The following TMEM132B variants were observed in gnomAD, a reference collection of about 807,000 sequenced individuals.
TMEM132B encodes the protein transmembrane protein 132B.
In TMEM132B, 18 loss-of-function variants were observed where a neutral mutation model predicts 90.8. The ratio of observed to expected loss-of-function variants is 0.20; its 90% CI spans 0.14 to 0.29. The LOEUF (loss-of-function observed/expected upper bound fraction) is 0.29. Ranked by LOEUF, TMEM132B falls within the 10% of genes least tolerant of loss-of-function variation. The pLI, the probability that TMEM132B is intolerant of heterozygous loss-of-function variation, is 1.00. For synonymous variants in TMEM132B, 504 were observed against 523.3 expected (o/e 0.96, Z 0.50); for missense variants, 1,096 against 1,326.8 (o/e 0.83, Z 2.70).
chr12:125,507,140 A>G (rs186635811), intron 3 of TMEM132B, among the ~76,000 whole-genome samples: 69 of 152,360 alleles, frequency 4.5e-4, no homozygotes, highest in African/African-American at 1.0e-3. Context: ...GACACGAATA[A>G]GACCTCAGAC....
intron 2 of TMEM132B, among the ~76,000 whole-genome samples, chr12:125,395,353 TTCCATAAAA>T (rs1213276160): frequency 1.3e-5 from 2 of 152,256 alleles, no homozygotes; most frequent in African/African-American, 4.8e-5. Context: ...ATGAGTTTAA[TTCCATAAAA>T]GGTCAGGTTA....
At chr12:125,284,890 A>T (rs1875306064) in intron 1 of TMEM132B, among the ~76,000 whole-genome samples, 2 of 152,200 alleles carry the variant, frequency 1.3e-5, no homozygotes, top group Non-Finnish European at 2.9e-5. Flanking sequence ...TTCAGAGATA[A>T]GAAGGCTTAT....
At chr12:125,358,149 G>C (rs971295050) in intron 2 of TMEM132B, among the ~76,000 whole-genome samples, 1 of 152,068 alleles carries the variant, frequency 6.6e-6, no homozygotes, top group Non-Finnish European at 1.5e-5. Flanking sequence ...CTCTCTATGG[G>C]GGGGAGACAG....
intron 1 of TMEM132B, among the ~76,000 whole-genome samples, chr12:125,296,104 C>G (rs867345368): frequency 6.6e-6 from 1 of 152,202 alleles, no homozygotes; most frequent in African/African-American, 2.4e-5. Flanking sequence ...GAGTCTGATC[C>G]TCTCCTTCCT....
intron 5 of TMEM132B, among the ~76,000 whole-genome samples, chr12:125,589,449 C>T (rs543828888): frequency 1.1e-4 from 15 of 138,564 alleles, no homozygotes; most frequent in Middle Eastern, 8.6e-3. Context: ...GCCACTGCAC[C>T]CCAGCCCGGG....
intron 5 of TMEM132B, among the ~76,000 whole-genome samples, chr12:125,589,522 G>A (rs1205180088): frequency 1.3e-5 from 2 of 151,294 alleles, no homozygotes; most frequent in African/African-American, 2.4e-5. Context: ...ACCTGAGACC[G>A]GGTAACTTAT....
chr12:125,471,752 C>G (rs1881729029), intron 3 of TMEM132B, among the ~76,000 whole-genome samples: 1 of 152,196 alleles, frequency 6.6e-6, no homozygotes, highest in Admixed American at 6.5e-5. Flanking sequence ...ACTATCAGAG[C>G]TAAGGGCTTT....
At chr12:125,254,421 C>T (rs749053622) in intron 1 of TMEM132B, among the ~76,000 whole-genome samples, 5 of 152,120 alleles carry the variant, frequency 3.3e-5, no homozygotes, top group Non-Finnish European at 7.4e-5. Flanking sequence ...TTCATCAGCC[C>T]CCTTAGACTG....
intron 5 of TMEM132B, among the ~76,000 whole-genome samples, chr12:125,641,086 C>T (rs1886619336): frequency 6.6e-6 from 1 of 152,266 alleles, no homozygotes. Context: ...CTGGATCCAG[C>T]GCCCAAGCTG....
intron 2 of TMEM132B, among the ~76,000 whole-genome samples, chr12:125,354,501 A>C (rs1877704080): frequency 1.3e-5 from 2 of 152,008 alleles, no homozygotes; most frequent in South Asian, 4.1e-4. Flanking sequence ...GGCCCATTTC[A>C]CTCAGATATG....
At chr12:125,378,230 C>G (rs890268288) in intron 2 of TMEM132B, among the ~76,000 whole-genome samples, 1 of 152,050 alleles carries the variant, frequency 6.6e-6, no homozygotes, top group Non-Finnish European at 1.5e-5. Flanking sequence ...CGGCTTGTCA[C>G]TAATTCCAGG....
rs147263718 is a variant in TMEM132B at position 125,558,656 on chromosome 12, G to T, written c.1294-25195G>T. On this transcript the variant is annotated intron_variant, in intron 4 of 8. Coordinates refer to ENST00000682704, the MANE Select transcript of TMEM132B (RefSeq NM_001366854.1). ...GTACTTATAGAAACAGTACTTAGGAGAGCCAGCACTTTCTTGTATCAGAGA... is the reference window on the plus strand; with the variant it reads ...GTACTTATAGAAACAGTACTTAGGATAGCCAGCACTTTCTTGTATCAGAGA... Among the ~76,000 whole-genome samples the T allele has an allele frequency of 1.4e-3, 209 of 152,308 alleles. 1 individual carries two copies. The highest frequency in any genetic ancestry group is 2.2e-3 in the Non-Finnish European group (153 of 68,018).
chr12:125,505,186 A>AAAAC (rs1882812303), intron 3 of TMEM132B, among the ~76,000 whole-genome samples: 1 of 147,704 alleles, frequency 6.8e-6, no homozygotes, highest in Non-Finnish European at 1.5e-5. Flanking sequence ...AAAAAAAAAA[A>AAAAC]AAAAAAAAAC....
chr12:125,244,229 T>C (rs980491372), intron 1 of TMEM132B, among the ~76,000 whole-genome samples: 4 of 152,224 alleles, frequency 2.6e-5, no homozygotes, highest in Non-Finnish European at 5.9e-5. Flanking sequence ...AGTGTGTACA[T>C]TTTTCCCGAA....
intron 2 of TMEM132B, among the ~76,000 whole-genome samples, chr12:125,356,976 C>T (rs537201700): frequency 1.3e-5 from 2 of 152,226 alleles, no homozygotes; most frequent in Non-Finnish European, 2.9e-5. Flanking sequence ...TTCCTGCTAG[C>T]AAGTCATCTC....
intron 1 of TMEM132B, among the ~76,000 whole-genome samples, chr12:125,317,662 T>C (rs1000309427): frequency 1.3e-5 from 2 of 152,182 alleles, no homozygotes; most frequent in African/African-American, 4.8e-5. Flanking sequence ...CCTGTTGACC[T>C]TGGGCAGGTG....
rs572589079 is a variant in TMEM132B, at chr12:125,246,359, A to T, written c.67+59493A>T. Among the ~76,000 whole-genome samples the T allele has an allele frequency of 3.9e-4, 60 of 152,288 alleles. No individual in the cohort carries two copies. Among genetic ancestry groups the T allele is most frequent in the Non-Finnish European group, 4.9e-4 (33 of 68,034 alleles). On this transcript the variant is annotated intron_variant, in intron 1 of 8. Transcript: ENST00000682704. The surrounding 1 kb of genome is among the most constrained non-coding windows in gnomAD (Gnocchi z 4.2). The stretch of plus-strand genomic sequence containing the variant: ...TTGATCCGTGTAAATAATGCAAAGG[A>T]TTATGAATATGAATAGGGGACTCGT...
At chr12:125,404,068 G>C (rs1879395783) in intron 2 of TMEM132B, among the ~76,000 whole-genome samples, 1 of 152,164 alleles carries the variant, frequency 6.6e-6, no homozygotes, top group Admixed American at 6.5e-5. Flanking sequence ...ATGCATGAGA[G>C]CTGAACAGGG....
chr12:125,631,305 C>T (rs1179314189), intron 5 of TMEM132B, among the ~76,000 whole-genome samples: 1 of 151,732 alleles, frequency 6.6e-6, no homozygotes, highest in African/African-American at 2.4e-5. Context: ...TCCAAAATTC[C>T]TCTTGTTATT....
Sources: gnomAD v4.1 joint callset for allele counts (sites outside exome capture counted in the v4.1 genomes callset) on GRCh38, gnomAD v4.1.1 for gene constraint, Gnocchi (gnomAD v3.1) non-coding constraint, MANE v1.5 for transcripts, NCBI Gene and HGNC (gene_info 2026-07-23, HGNC 2026-07-21) for gene names.